The following CNOT10 variants were observed in gnomAD, a reference collection of about 807,000 sequenced individuals.
CNOT10 encodes CCR4-NOT transcription complex, subunit 10.
In CNOT10, 30 loss-of-function variants were observed where a neutral mutation model predicts 94.6. That is an observed-to-expected ratio of 0.32 (90% confidence interval 0.24 to 0.43). CNOT10 has a LOEUF of 0.43. Among genes scored for constraint, CNOT10 ranks in the 20% least tolerant of loss-of-function variants. CNOT10 has a pLI of 1.00. For synonymous variants in CNOT10, 289 were observed against 301.6 expected (o/e 0.96, Z 0.43); for missense variants, 759 against 877.2 (o/e 0.87, Z 1.70).
intron 4 of CNOT10, among the ~76,000 whole-genome samples, chr3:32,710,147 C>CAAAAAAAAAAAAAAAAAAAAAAAAAA (rs68126514): frequency 1.4e-5 from 1 of 70,660 alleles, no homozygotes. Flanking sequence ...AACTTGCTCT[C>CAAAAAAAAAAAAAAAAAAAAAAAAAA]AAAAAAAAAA....
intron 2 of CNOT10, 33 bp from the exon 3 acceptor site, chr3:32,704,778 T>G (rs760710035): frequency 6.5e-7 from 1 of 1,543,488 alleles, no homozygotes; most frequent in South Asian, 1.3e-5. Context: ...GGTATGTAAT[T>G]TTGTGTGTGT....
intron 13 of CNOT10, among the ~76,000 whole-genome samples, chr3:32,738,436 C>G (rs1699289918): frequency 1.3e-5 from 2 of 151,332 alleles, no homozygotes; most frequent in African/African-American, 4.8e-5. Flanking sequence ...TCAACTTGTT[C>G]AACAACACTT....
intron 15 of CNOT10, 68 bp downstream of exon 15, chr3:32,762,931 G>T: frequency 7.0e-7 from 1 of 1,432,002 alleles, no homozygotes; most frequent in East Asian, 2.7e-5. Flanking sequence ...AATTCAGGAT[G>T]TGTGGAAATT....
chr3:32,727,983 A>T (rs1336243559), intron 10 of CNOT10, 113 bp downstream of exon 10: 2 of 95,104 alleles, frequency 2.1e-5, no homozygotes, highest in Non-Finnish European at 4.1e-5. Flanking sequence ...TTCTCTTTTT[A>T]TTTATTTATT....
At chr3:32,687,459 T>TTTTTTTGTTTG (rs1696669461) in intron 1 of CNOT10, among the ~76,000 whole-genome samples, 3 of 110,118 alleles carry the variant, frequency 2.7e-5, no homozygotes, top group Non-Finnish European at 5.7e-5. Flanking sequence ...TTTGTTTTTT[T>TTTTTTTGTTTG]TTTTTTTTTT....
At chr3:32,730,680 A>G (rs1368798858) in intron 10 of CNOT10, 1 of 152,236 alleles carries the variant, frequency 6.6e-6, no homozygotes, top group Non-Finnish European at 1.5e-5. Flanking sequence ...GGTATGCTGA[A>G]CAAAGTAGTT....
chr3:32,726,398 A>G (rs2125562513), intron 9 of CNOT10, among the ~76,000 whole-genome samples: 1 of 152,284 alleles, frequency 6.6e-6, no homozygotes, highest in South Asian at 2.1e-4. Context: ...GCTTTTAAAA[A>G]TAATAACCTA....
intron 4 of CNOT10, among the ~76,000 whole-genome samples, chr3:32,711,532 C>T (rs1282587002): frequency 6.6e-6 from 1 of 151,942 alleles, no homozygotes; most frequent in Non-Finnish European, 1.5e-5. Flanking sequence ...TGGCTGTATA[C>T]TGAATGCTAT....
At chr3:32,758,933 A>G (rs1159918415) in intron 13 of CNOT10, among the ~76,000 whole-genome samples, 5 of 152,188 alleles carry the variant, frequency 3.3e-5, no homozygotes, top group Non-Finnish European at 7.4e-5. Context: ...TCTTGATACT[A>G]TGGTTTAGCA....
chr3:32,763,957 C>G (rs898474091), intron 15 of CNOT10, among the ~76,000 whole-genome samples: 2 of 152,174 alleles, frequency 1.3e-5, no homozygotes, highest in Non-Finnish European at 2.9e-5. Flanking sequence ...ATGGTGAAAC[C>G]CTGTCTCTAC....
chr3:32,714,402 C>T (rs1027564655), intron 5 of CNOT10, among the ~76,000 whole-genome samples: 1 of 144,274 alleles, frequency 6.9e-6, no homozygotes, highest in Non-Finnish European at 1.5e-5. Context: ...CATTAAAGTT[C>T]TTCAAAAAAA....
At chr3:32,771,878 A>T (rs772081924) in intron 18 of CNOT10, among the ~76,000 whole-genome samples, 3 of 152,218 alleles carry the variant, frequency 2.0e-5, no homozygotes, top group Non-Finnish European at 2.9e-5. Flanking sequence ...TTGAACACAT[A>T]TTAACAAGTT....
intron 14 of CNOT10, among the ~76,000 whole-genome samples, chr3:32,760,230 A>T (rs899194152): frequency 6.6e-6 from 1 of 152,070 alleles, no homozygotes; most frequent in African/African-American, 2.4e-5. Flanking sequence ...AAGCTACTGT[A>T]TCATTCCAGA....
intron 10 of CNOT10, among the ~76,000 whole-genome samples, chr3:32,729,831 G>C (rs1434635766): frequency 7.0e-6 from 1 of 142,500 alleles, no homozygotes; most frequent in Non-Finnish European, 1.5e-5. Flanking sequence ...TGCAGTGGCG[G>C]GATCTCGGCT....
intron 1 of CNOT10, among the ~76,000 whole-genome samples, chr3:32,687,439 G>GTTTTTTTTTTGTTTTTTTTTTT (rs1559471639): frequency 3.9e-5 from 2 of 51,320 alleles, no homozygotes; most frequent in Non-Finnish European, 6.8e-5. Flanking sequence ...AGTCCTCACG[G>GTTTTTTTTTTGTTTTTTTTTTT]TTTTTTTTTT....
intron 13 of CNOT10, chr3:32,752,872 C>T (rs1050403994): frequency 1.3e-5 from 4 of 316,534 alleles, no homozygotes; most frequent in African/African-American, 6.7e-5. Flanking sequence ...GTAACTACGA[C>T]AGTAGCAGCT....
rs1002105005 is a variant in CNOT10 at position 32,753,270 on chromosome 3, G to T, written c.1596-6188G>T. 13 of 832,164 alleles carry T rather than the reference G, an allele frequency of 1.6e-5. No individual in the cohort carries two copies. The African/African-American group carries it at 2.0e-4, about 13-fold the overall frequency. The allele number at this position is 832,164 out of a possible 1,614,324, so 51.5% of individuals were successfully genotyped here. ...AATTTCAGTGTCTGGATTAAAAGAT[G>T]TCAAGAAGCTCAGAATGGCCCAGAA... is the stretch of plus-strand genomic sequence containing the variant. On this transcript the variant is annotated intron_variant, in intron 13 of 18. Transcript: ENST00000328834.
chr3:32,759,406 C>T (rs1342383994), intron 13 of CNOT10, 52 bp from the exon 14 acceptor site: 4 of 1,255,254 alleles, frequency 3.2e-6, no homozygotes, highest in East Asian at 2.3e-5. Flanking sequence ...CAAATATAAC[C>T]ATTATCAATG....
intron 3 of CNOT10, among the ~76,000 whole-genome samples, chr3:32,705,230 GAGAA>G (rs1697559943): frequency 6.6e-6 from 1 of 152,066 alleles, no homozygotes; most frequent in South Asian, 2.1e-4. Context: ...TTGGAGTTTT[GAGAA>G]AGAACTATAT....
Sources: allele counts gnomAD v4.1 joint callset (sites outside exome capture counted in the v4.1 genomes callset), GRCh38; gene constraint gnomAD v4.1.1; transcripts MANE v1.5; gene names NCBI Gene and HGNC (gene_info 2026-07-23, HGNC 2026-07-21).